Variants in CADPS2 observed in about 807,000 individuals in gnomAD.
CADPS2 encodes the protein calcium-dependent secretion activator 2.
CADPS2 carries 93 observed loss-of-function variants against 172.5 expected under a neutral mutation model. The ratio of observed to expected loss-of-function variants is 0.54; its 90% CI spans 0.46 to 0.64. The LOEUF is 0.64. Ranked by LOEUF, CADPS2 falls within the 30% of genes least tolerant of loss-of-function variation. The pLI is 0.00. For synonymous variants in CADPS2, 546 were observed against 555.2 expected, an observed-to-expected ratio of 0.98 and a Z score of 0.23; for missense variants, 1,420 against 1,565.9, an observed-to-expected ratio of 0.91 and a Z score of 1.57.
chr7:122,372,625 A>G (rs1346915236), intron 25 of CADPS2, among the ~76,000 whole-genome samples: 1 of 152,170 alleles, frequency 6.6e-6, no homozygotes, highest in South Asian at 2.1e-4. Context: ...ATATGCACAG[A>G]ACAATTAAAA....
chr7:122,437,594 T>C (rs1300853494), intron 17 of CADPS2, among the ~76,000 whole-genome samples: 1 of 151,116 alleles, frequency 6.6e-6, no homozygotes, highest in East Asian at 1.9e-4. Flanking sequence ...ATTTTTTCCC[T>C]CTATTAGTTA....
rs990351211 is a variant in CADPS2, at chr7:122,723,502, G to A, written c.453+13453C>T. ...GATACCATCTCAAACCAGTTAGAAT[G>A]GCAATCATTAAAAAGTCAGGAAACA... On this transcript the variant is annotated intron_variant, in intron 2 of 29. Transcript: ENST00000449022. Among the ~76,000 whole-genome samples, 28 of 152,230 alleles carry A rather than the reference G, an allele frequency of 1.8e-4. No homozygotes were observed. The South Asian group carries it at 2.7e-3, about 15-fold the overall frequency.
At chr7:122,791,290 A>C (rs998556045) in intron 1 of CADPS2, among the ~76,000 whole-genome samples, 1 of 152,190 alleles carries the variant, frequency 6.6e-6, no homozygotes, top group Admixed American at 6.5e-5. Flanking sequence ...AGAAATACTA[A>C]GGAAACCACG....
chr7:122,769,158 T>C (rs1184597680), intron 1 of CADPS2, among the ~76,000 whole-genome samples: 2 of 152,172 alleles, frequency 1.3e-5, no homozygotes. Context: ...CTCAAGACAA[T>C]TCAGCCTAGT....
intron 6 of CADPS2, chr7:122,585,853 A>G (rs1237002524): frequency 1.3e-5 from 2 of 151,986 alleles, no homozygotes; most frequent in African/African-American, 2.4e-5. Context: ...TTGCTATTAA[A>G]TAAAGGGTAC....
chr7:122,885,590 C>A (rs1824128654), intron 1 of CADPS2, among the ~76,000 whole-genome samples: 1 of 152,192 alleles, frequency 6.6e-6, no homozygotes. Context: ...AACACTCATT[C>A]AGACCCTCGG....
intron 1 of CADPS2, among the ~76,000 whole-genome samples, chr7:122,838,294 C>A (rs1584805876): frequency 6.6e-6 from 1 of 152,128 alleles, no homozygotes; most frequent in African/African-American, 2.4e-5. Context: ...ATAATAAGAG[C>A]TATTTATGAC....
intron 1 of CADPS2, among the ~76,000 whole-genome samples, chr7:122,740,795 G>C (rs780605964): frequency 3.4e-4 from 51 of 151,938 alleles, no homozygotes; most frequent in Non-Finnish European, 6.3e-4. Context: ...TAACCATATA[G>C]AGAGTTCCTA....
At chr7:122,723,048 T>C (rs1272581263) in intron 2 of CADPS2, among the ~76,000 whole-genome samples, 1 of 152,172 alleles carries the variant, frequency 6.6e-6, no homozygotes, top group South Asian at 2.1e-4. Flanking sequence ...ATTAAAGACT[T>C]AAATGTTAGA....
At chr7:122,810,022 G>A (rs1488458600) in intron 1 of CADPS2, among the ~76,000 whole-genome samples, 1 of 152,070 alleles carries the variant, frequency 6.6e-6, no homozygotes, top group Admixed American at 6.6e-5. Flanking sequence ...TCTACTTGAA[G>A]ACCCAAGCTC....
At chr7:122,606,660 T>C (rs578073513) in intron 6 of CADPS2, among the ~76,000 whole-genome samples, 22 of 152,210 alleles carry the variant, frequency 1.4e-4, no homozygotes, top group African/African-American at 5.3e-4. Context: ...GAGAGGCTTT[T>C]TTTAATACTC....
intron 1 of CADPS2, among the ~76,000 whole-genome samples, chr7:122,837,091 G>C (rs914536368): frequency 2.6e-5 from 4 of 152,186 alleles, no homozygotes; most frequent in East Asian, 3.8e-4. Context: ...TCAGACCACA[G>C]TGCAATCAAA....
At chr7:122,791,821 A>G (rs2139695461) in intron 1 of CADPS2, among the ~76,000 whole-genome samples, 1 of 152,350 alleles carries the variant, frequency 6.6e-6, no homozygotes, top group East Asian at 1.9e-4. Flanking sequence ...ATCACAAATA[A>G]ATACATTTTA....
chr7:122,802,729 C>T (rs965557706), intron 1 of CADPS2, among the ~76,000 whole-genome samples: 6 of 152,108 alleles, frequency 3.9e-5, no homozygotes, highest in Non-Finnish European at 8.8e-5. Context: ...ATTCTTAAAG[C>T]ACGTGTCTAC....
intron 3 of CADPS2, among the ~76,000 whole-genome samples, chr7:122,634,326 TA>T (rs1398382660): frequency 6.6e-6 from 1 of 152,216 alleles, no homozygotes; most frequent in African/African-American, 2.4e-5. Flanking sequence ...TAGTAATTTT[TA>T]AATTACTGAT....
At chr7:122,514,859 C>T (rs920125661) in intron 8 of CADPS2, among the ~76,000 whole-genome samples, 1 of 151,892 alleles carries the variant, frequency 6.6e-6, no homozygotes, top group Non-Finnish European at 1.5e-5. Flanking sequence ...TGTAATATTA[C>T]ATGAAAAGAG....
intron 8 of CADPS2, among the ~76,000 whole-genome samples, chr7:122,536,566 T>C (rs887877868): frequency 1.3e-4 from 20 of 152,074 alleles, no homozygotes; most frequent in African/African-American, 4.6e-4. Context: ...GCTTAATGCA[T>C]GGAGAAAAAA....
At chr7:122,780,499 C>T (rs947820575) in intron 1 of CADPS2, among the ~76,000 whole-genome samples, 19 of 152,060 alleles carry the variant, frequency 1.2e-4, no homozygotes, top group African/African-American at 4.6e-4. Context: ...CCTCCAGGAA[C>T]CACCACCACC....
intron 1 of CADPS2, among the ~76,000 whole-genome samples, chr7:122,833,688 G>C (rs34509989): frequency 6.6e-6 from 1 of 151,994 alleles, no homozygotes; most frequent in East Asian, 1.9e-4. Flanking sequence ...GAGCCACCAC[G>C]CCTGGCCTTT....
Sources: gnomAD v4.1 joint callset for allele counts (sites outside exome capture counted in the v4.1 genomes callset) on GRCh38, gnomAD v4.1.1 for gene constraint, MANE v1.5 for transcripts, NCBI Gene and HGNC (gene_info 2026-07-23, HGNC 2026-07-21) for gene names.